Variants in SIRT5 observed in about 807,000 individuals in gnomAD.
SIRT5 encodes the protein NAD-dependent protein deacylase sirtuin-5, mitochondrial.
SIRT5 carries 26 observed loss-of-function variants against 40.0 expected under a neutral mutation model. The observed-to-expected ratio is 0.65, with a 90% confidence interval of 0.48 to 0.90. The LOEUF is 0.90. Ranked by LOEUF, SIRT5 falls within the 40% of genes least tolerant of loss-of-function variation. The probability of loss-of-function intolerance (pLI) is 0.00; values close to 1 mark genes in which losing one functional copy is unlikely to be tolerated. For missense variants in SIRT5, 401 were observed against 402.4 expected (o/e 1.00, Z 0.03); for synonymous variants, 146 against 149.1 (o/e 0.98, Z 0.15).
At chr6:13,599,001 C>G (rs199691704) in intron 7 of SIRT5, 31 bp from the exon 8 acceptor site, 1 of 1,610,800 alleles carries the variant, frequency 6.2e-7, no homozygotes, top group Non-Finnish European at 8.5e-7. Context: ...AGACTTGGCT[C>G]GGGGTTGGCT....
At chr6:13,583,265 A>AC (rs1405739611) in intron 2 of SIRT5, among the ~76,000 whole-genome samples, 2 of 107,784 alleles carry the variant, frequency 1.9e-5, no homozygotes, top group African/African-American at 7.4e-5. Context: ...TGGTTTTCAT[A>AC]CCTTCTTTTT....
rs1219965812 is a variant in SIRT5, at chr6:13,575,762, A to ACCTAACT, written c.-195+1019_-195+1025dup. On this transcript the variant is annotated intron_variant, in intron 1 of 9. Coordinates refer to ENST00000606117, the MANE Select transcript of SIRT5 (RefSeq NM_012241.5). ...TAGATCACTAAAACTTACTCCTCTT[A>ACCTAACT]CCTAACTAAAACTTTGTATCCTTTG... 2.0e-5 allele frequency among the ~76,000 whole-genome samples: 3 copies of ACCTAACT among 152,054 alleles called. No individual in the cohort carries two copies. In the South Asian group the frequency reaches 6.2e-4, roughly 32 times the overall value.
intron 3 of SIRT5, 133 bp downstream of exon 3, chr6:13,584,358 CT>C (rs374980191): frequency 0.024 from 11,481 of 488,022 alleles, 28 homozygotes; most frequent in African/African-American, 0.034. Flanking sequence ...GTCATCTTCT[CT>C]TTTTTTTTTT....
intron 3 of SIRT5, among the ~76,000 whole-genome samples, chr6:13,584,516 A>C (rs1254563824): frequency 6.6e-6 from 1 of 151,856 alleles, no homozygotes; most frequent in African/African-American, 2.4e-5. Context: ...ACAACCAGCT[A>C]ATTTTTGTAT....
intron 7 of SIRT5, 80 bp downstream of exon 7, chr6:13,597,096 G>A: frequency 1.7e-6 from 2 of 1,142,920 alleles, no homozygotes; most frequent in Non-Finnish European, 2.5e-6. Flanking sequence ...ACCTAAACAT[G>A]TATTTGGCAA....
At chr6:13,592,740 G>A (rs1218266442) in intron 5 of SIRT5, among the ~76,000 whole-genome samples, 1 of 152,060 alleles carries the variant, frequency 6.6e-6, no homozygotes, top group Non-Finnish European at 1.5e-5. Flanking sequence ...CTTGTCTTCT[G>A]GCTCCTCCCT....
At chr6:13,603,838 T>C (rs1414927319) in intron 9 of SIRT5, among the ~76,000 whole-genome samples, 1 of 152,224 alleles carries the variant, frequency 6.6e-6, no homozygotes, top group Non-Finnish European at 1.5e-5. Flanking sequence ...TTTGGTATGT[T>C]TGTACAATGG....
intron 9 of SIRT5, among the ~76,000 whole-genome samples, chr6:13,611,207 G>GTATATA (rs1172335284): frequency 0.015 from 1,430 of 93,448 alleles, 15 homozygotes; most frequent in East Asian, 0.02. Context: ...GTGTGTGTGT[G>GTATATA]TATATATATA....
In SIRT5 at chr6:13,611,905, C is replaced by T. The variant is rs776378937; in HGVS notation, c.*40C>T. 1 of 1,586,708 alleles carries T rather than the reference C, an allele frequency of 6.3e-7. No homozygotes were observed. Among genetic ancestry groups the T allele is most frequent in the East Asian group, 2.2e-5 (1 of 44,618 alleles). On this transcript the variant is annotated 3_prime_UTR_variant, in exon 10 of 10. Coordinates refer to ENST00000606117, the MANE Select transcript of SIRT5 (RefSeq NM_012241.5). ...AAAGAAATTACAGTATATCTAAGAA[C>T]TAGGCCACACGCAGAGGAGAAATGG... is the stretch of plus-strand genomic sequence containing the variant.
At chr6:13,610,161 G>A (rs1194513018) in intron 9 of SIRT5, among the ~76,000 whole-genome samples, 1 of 151,996 alleles carries the variant, frequency 6.6e-6, no homozygotes, top group Non-Finnish European at 1.5e-5. Flanking sequence ...TGTAGAGACG[G>A]GGTCTTGCCA....
In SIRT5 at chr6:13,595,551, T is replaced by G. The variant is rs1584802635; in HGVS notation, c.550T>G (p.Leu184Val). The G allele has an allele frequency of 1.9e-6, 3 of 1,613,402 alleles. No individual in the cohort carries two copies. The highest frequency in any genetic ancestry group is 2.2e-5 in the South Asian group (2 of 91,074). Residue 184 changes from leucine (L) to valine (V), a missense_variant, in exon 6 of 10, where the codon TTA becomes GTA. Leu to Val is a conservative substitution (Grantham distance 32, BLOSUM62 1). Transcript: ENST00000606117. The part of the protein sequence containing the change: ...ENYKSPICPA[L>V]SGKGAPEPGT... Reference sequence around the variant, plus strand: ...TTACAAGAGTCCAATTTGTCCAGCTTTATCAGGAAAAGGGTAATTATACCA... The same window carrying G: ...TTACAAGAGTCCAATTTGTCCAGCTGTATCAGGAAAAGGGTAATTATACCA...
intron 2 of SIRT5, among the ~76,000 whole-genome samples, chr6:13,580,228 T>C (rs1047837529): frequency 6.6e-6 from 1 of 152,220 alleles, no homozygotes; most frequent in South Asian, 2.1e-4. Context: ...TCTTTTTGAG[T>C]GTCAATCTTC....
At chr6:13,602,828 CAAAAG>C (rs1349401735) in intron 9 of SIRT5, among the ~76,000 whole-genome samples, 6 of 152,050 alleles carry the variant, frequency 3.9e-5, no homozygotes, top group African/African-American at 1.4e-4. Flanking sequence ...TATAAAATGT[CAAAAG>C]AAAATGTAGG....
At chr6:13,576,186 G>T (rs1033456613) in intron 1 of SIRT5, among the ~76,000 whole-genome samples, 3 of 152,178 alleles carry the variant, frequency 2.0e-5, no homozygotes, top group African/African-American at 7.2e-5. Flanking sequence ...TAGGATTTCT[G>T]GGTCATGTGG....
chr6:13,577,572 ATAT>A (rs1278837306), intron 1 of SIRT5, among the ~76,000 whole-genome samples: 1 of 151,010 alleles, frequency 6.6e-6, no homozygotes, highest in Non-Finnish European at 1.5e-5. Context: ...ATATAAAATC[ATAT>A]TATCATCAAA....
At chr6:13,605,252 T>C in intron 9 of SIRT5, 1 of 878,170 alleles carries the variant, frequency 1.1e-6, no homozygotes, top group Non-Finnish European at 1.4e-6. Context: ...AACACAGCTG[T>C]GGCCATATGT....
intron 5 of SIRT5, among the ~76,000 whole-genome samples, chr6:13,593,140 G>C (rs925661539): frequency 8.6e-5 from 13 of 151,850 alleles, no homozygotes; most frequent in African/African-American, 2.9e-4. Context: ...TCAAACTCTT[G>C]GCCTCAAGCA....
At chr6:13,605,259 A>G (rs200400022) in intron 9 of SIRT5, 1 of 861,798 alleles carries the variant, frequency 1.2e-6, no homozygotes, top group South Asian at 5.4e-5. Context: ...CTGTGGCCAT[A>G]TGTTTGTATA....
chr6:13,586,252 A>G (rs1047883143), intron 3 of SIRT5, among the ~76,000 whole-genome samples: 10 of 152,084 alleles, frequency 6.6e-5, no homozygotes, highest in South Asian at 4.1e-4. Flanking sequence ...ATTTAATTAG[A>G]TCCCATTTGT....
Sources: gnomAD v4.1 joint callset for allele counts (sites outside exome capture counted in the v4.1 genomes callset) on GRCh38, gnomAD v4.1.1 for gene constraint, MANE v1.5 for transcripts, NCBI Gene and HGNC (gene_info 2026-07-23, HGNC 2026-07-21) for gene names.